Variants in CELF2 observed in about 807,000 individuals in gnomAD.
CELF2 encodes CUG triplet repeat RNA-binding protein 2.
A neutral mutation model predicts 62.6 loss-of-function variants in CELF2; 8 were observed. The ratio of observed to expected loss-of-function variants is 0.13; its 90% CI spans 0.07 to 0.23. CELF2 has a LOEUF of 0.23. CELF2 is among the 10% of genes least tolerant of loss of function. The pLI is 1.00. For synonymous variants in CELF2, 258 were observed against 250.0 expected, an observed-to-expected ratio of 1.03 and a Z score of -0.30; for missense variants, 333 against 671.0, an observed-to-expected ratio of 0.50 and a Z score of 5.56.
chr10:10,560,041 A>C, the CELF2 span, among the ~76,000 whole-genome samples: 5 of 152,200 alleles, frequency 3.3e-5, no homozygotes, highest in African/African-American at 1.2e-4. Flanking sequence ...GTAAAAGAGG[A>C]AATTTGGAAT....
At chr10:10,766,799 T>G in the CELF2 span, among the ~76,000 whole-genome samples, 1 of 152,220 alleles carries the variant, frequency 6.6e-6, no homozygotes, top group Non-Finnish European at 1.5e-5. Context: ...GCCACTTCAA[T>G]GGTGACTTCT....
chr10:10,488,068 A>G, the CELF2 span, among the ~76,000 whole-genome samples: 7,415 of 152,270 alleles, frequency 0.049, 259 homozygotes, highest in Non-Finnish European at 0.078. Flanking sequence ...AAGTCCCCAA[A>G]GTGAAAATAA....
At chr10:10,941,831 T>G (rs2047080455) in intron 2 of CELF2, among the ~76,000 whole-genome samples, 1 of 151,940 alleles carries the variant, frequency 6.6e-6, no homozygotes, top group African/African-American at 2.4e-5. Flanking sequence ...CCTTTTCTAT[T>G]AAAAATACAA....
chr10:10,921,405 A>G (rs749793859), intron 2 of CELF2, among the ~76,000 whole-genome samples: 1 of 151,944 alleles, frequency 6.6e-6, no homozygotes, highest in Non-Finnish European at 1.5e-5. Context: ...AGTAGCTGGG[A>G]TTACAGGCGT....
chr10:10,510,401 G>C, the CELF2 span, among the ~76,000 whole-genome samples: 1 of 152,224 alleles, frequency 6.6e-6, no homozygotes, highest in East Asian at 1.9e-4. Flanking sequence ...GTCCTGCCTA[G>C]TAAGCCAAAA....
chr10:10,667,794 A>G, the CELF2 span, among the ~76,000 whole-genome samples: 2 of 152,212 alleles, frequency 1.3e-5, no homozygotes, highest in Non-Finnish European at 2.9e-5. Flanking sequence ...CCTTCCACTC[A>G]CCAGGGACAT....
intron 1 of CELF2, among the ~76,000 whole-genome samples, chr10:11,060,727 CAT>C (rs1208558510): frequency 2.6e-5 from 4 of 152,300 alleles, no homozygotes; most frequent in East Asian, 1.9e-4. Context: ...TTCCCAATAA[CAT>C]GTGCTCAGTT....
At chr10:10,523,677 T>A in the CELF2 span, among the ~76,000 whole-genome samples, 1 of 152,182 alleles carries the variant, frequency 6.6e-6, no homozygotes, top group East Asian at 1.9e-4. Flanking sequence ...TTTCCCTTAA[T>A]AAACACTTAT....
chr10:11,044,324 C>T (rs557079263), intron 1 of CELF2, among the ~76,000 whole-genome samples: 4 of 152,304 alleles, frequency 2.6e-5, no homozygotes, highest in African/African-American at 4.8e-5. Context: ...TAGCCTGGAT[C>T]GGTTCTTAGC....
chr10:10,727,611 C>A, the CELF2 span, among the ~76,000 whole-genome samples: 1 of 151,890 alleles, frequency 6.6e-6, no homozygotes, highest in Non-Finnish European at 1.5e-5. Flanking sequence ...CCCGTCTCTA[C>A]CAAAAGTACA....
the CELF2 span, among the ~76,000 whole-genome samples, chr10:10,613,985 T>C: frequency 1.3e-5 from 2 of 152,168 alleles, no homozygotes; most frequent in African/African-American, 4.8e-5. Context: ...AATTTTTAAA[T>C]GGCATTATTT....
At chr10:11,025,375 A>C (rs914313267) in intron 1 of CELF2, among the ~76,000 whole-genome samples, 1 of 151,998 alleles carries the variant, frequency 6.6e-6, no homozygotes, top group Non-Finnish European at 1.5e-5. Context: ...GGTGGAGGTA[A>C]TTGAATTATA....
the CELF2 span, among the ~76,000 whole-genome samples, chr10:10,751,936 A>C: frequency 2.6e-5 from 4 of 152,210 alleles, no homozygotes; most frequent in African/African-American, 9.7e-5. Flanking sequence ...AGTTTAAAAT[A>C]CATCCACAGA....
intron 2 of CELF2, among the ~76,000 whole-genome samples, chr10:11,184,743 T>A (rs1023506757): frequency 3.9e-5 from 6 of 152,260 alleles, no homozygotes; most frequent in African/African-American, 1.2e-4. Flanking sequence ...GTGTATTGAT[T>A]ATGTATCCTA....
chr10:11,031,894 G>A (rs1023251959), intron 1 of CELF2, among the ~76,000 whole-genome samples: 2 of 152,040 alleles, frequency 1.3e-5, no homozygotes, highest in East Asian at 1.9e-4. Context: ...AATGATGATC[G>A]TATAATTTGA....
rs2066043226 is a variant in CELF2, at chr10:10,931,376, G to A, written c.89+11377G>A. On this transcript the variant is annotated intron_variant, in intron 2 of 13. Coordinates refer to the CELF2 transcript ENST00000636488. The surrounding 1 kb of genome is among the most constrained non-coding windows in gnomAD (Gnocchi z 6.1). ...GTCATGCTGGCTGGGGGTGGGGGGT[G>A]TAACTTTAAGGAATAATGCCAAGCT... Among the ~76,000 whole-genome samples the A allele has an allele frequency of 6.6e-6, 1 of 152,072 alleles. No individual in the cohort carries two copies. Among genetic ancestry groups the A allele is most frequent in the Non-Finnish European group, 1.5e-5 (1 of 68,028 alleles).
chr10:11,083,886 C>T (rs138003940), intron 1 of CELF2, among the ~76,000 whole-genome samples: 1 of 152,186 alleles, frequency 6.6e-6, no homozygotes, highest in African/African-American at 2.4e-5. Context: ...CCAAGGCTGA[C>T]ATGTACTGAC....
rs575728677 is a variant in CELF2, at chr10:11,317,409, A to G, written c.1096+3151A>G. 2.0e-5 allele frequency: 3 copies of G among 152,356 alleles called. No individual in the cohort carries two copies. In the South Asian group the frequency reaches 6.2e-4, roughly 32 times the overall value. 9.4% of individuals were successfully genotyped at this position (152,356 alleles called of 1,614,324 possible). A position where few individuals can be genotyped will look rare whatever the true frequency, so the allele number is the denominator to read the frequency against. Reference sequence around the variant, plus strand: ...TATATAAGTGACACCCAGTGCACATATAGACATCTTCATCTACCTTAGTTC... The same window carrying G: ...TATATAAGTGACACCCAGTGCACATGTAGACATCTTCATCTACCTTAGTTC... On this transcript the variant is annotated intron_variant, in intron 10 of 12. Coordinates refer to ENST00000633077, the MANE Select transcript of CELF2 (RefSeq NM_001326342.2).
the CELF2 span, among the ~76,000 whole-genome samples, chr10:10,732,746 A>G: frequency 1.3e-5 from 2 of 151,658 alleles, no homozygotes; most frequent in Admixed American, 6.6e-5. Flanking sequence ...CTGGTCTTGA[A>G]CTCCTGACCT....
Sources: gnomAD v4.1 joint callset for allele counts (sites outside exome capture counted in the v4.1 genomes callset) on GRCh38, gnomAD v4.1.1 for gene constraint, Gnocchi (gnomAD v3.1) non-coding constraint, MANE v1.5 for transcripts, NCBI Gene and HGNC (gene_info 2026-07-23, HGNC 2026-07-21) for gene names.